The following IL6ST variants were observed in gnomAD, a reference collection of about 807,000 sequenced individuals.
IL6ST encodes interleukin 6 cytokine family signal transducer.
IL6ST carries 24 observed loss-of-function variants against 91.3 expected under a neutral mutation model. That is an observed-to-expected ratio of 0.26 (90% CI 0.19 to 0.37). The LOEUF (loss-of-function observed/expected upper bound fraction) is 0.37. IL6ST is among the 10% of genes least tolerant of loss of function. IL6ST has a pLI of 1.00. For synonymous variants in IL6ST, 351 were observed against 373.6 expected (o/e 0.94, Z 0.70); for missense variants, 914 against 1,078.5 (o/e 0.85, Z 2.14).
rs1434713054 is a variant in IL6ST at position 55,956,178 on chromosome 5, T to C, written c.1114A>G (p.Arg372Gly). The change falls in exon 10 of 17, where the codon AGA becomes GGA. Residue 372 changes from arginine to glycine, a missense_variant. Physicochemically the swap from Arg to Gly is moderately radical, Grantham distance 125. Coordinates refer to ENST00000381298, the MANE Select transcript of IL6ST (RefSeq NM_002184.4). The part of the protein sequence containing the change: ...KILDYEVTLT[R>G]WKSHLQNYTV... Reference sequence around the variant, plus strand: ...TAATTTTGTAAATGTGATTTCCATCTTGTGAGAGTCACTTCATAATCCAAG... The same window carrying C: ...TAATTTTGTAAATGTGATTTCCATCCTGTGAGAGTCACTTCATAATCCAAG... 3 of 1,612,866 alleles carry C rather than the reference T, an allele frequency of 1.9e-6. No homozygotes were observed. Among genetic ancestry groups the C allele is most frequent in the Admixed American group, 3.3e-5 (2 of 60,034 alleles).
Position 55,939,873 on chromosome 5 carries a change from T to C in IL6ST, c.*1209A>G, listed in dbSNP as rs1382072239. Reference sequence around the variant, plus strand: ...CAGACATTAAAATACCATCTCTTTATTAAGTGTCTCTACAATAATGATATT... The same window carrying C: ...CAGACATTAAAATACCATCTCTTTACTAAGTGTCTCTACAATAATGATATT... On this transcript the variant is annotated 3_prime_UTR_variant, in exon 17 of 17. Coordinates refer to ENST00000381298, the MANE Select transcript of IL6ST (RefSeq NM_002184.4). 2 of 203,678 alleles carry C rather than the reference T, an allele frequency of 9.8e-6. No individual in the cohort carries two copies. The highest frequency in any genetic ancestry group is 1.2e-4 in the Admixed American group (2 of 16,824). 12.6% of individuals were successfully genotyped at this position (203,678 alleles called of 1,614,324 possible).
intron 2 of IL6ST, among the ~76,000 whole-genome samples, chr5:55,981,808 A>G (rs1186920763): frequency 6.6e-6 from 1 of 152,230 alleles, no homozygotes; most frequent in African/African-American, 2.4e-5. Flanking sequence ...CATTGCATAC[A>G]CTAACCTTCC....
intron 10 of IL6ST, 145 bp downstream of exon 10, chr5:55,955,880 T>C: frequency 8.7e-6 from 4 of 459,684 alleles, no homozygotes; most frequent in South Asian, 6.0e-5. Flanking sequence ...ATTTATAAAA[T>C]TTAAAAAATT....
intron 2 of IL6ST, among the ~76,000 whole-genome samples, chr5:55,979,577 G>GA (rs1228911979): frequency 6.6e-6 from 1 of 152,156 alleles, no homozygotes; most frequent in African/African-American, 2.4e-5. Context: ...ACTAAGCAAC[G>GA]AAAGTATCGT....
In IL6ST at chr5:55,973,666, C is replaced by T. The variant is rs539207716; in HGVS notation, c.64+2549G>A. Among the ~76,000 whole-genome samples the T allele has an allele frequency of 4.6e-5, 7 of 152,284 alleles. No individual in the cohort carries two copies. The East Asian group carries it at 1.3e-3, about 29-fold the overall frequency. ...AGACATTGTACAGCAAAGATGAATACGTCTGATTGTGCCTGCCTATCTATA... is the reference window on the plus strand; with the variant it reads ...AGACATTGTACAGCAAAGATGAATATGTCTGATTGTGCCTGCCTATCTATA... On this transcript the variant is annotated intron_variant, in intron 3 of 16. Transcript: ENST00000381298.
intron 1 of IL6ST, among the ~76,000 whole-genome samples, chr5:55,991,520 C>T (rs895629528): frequency 1.3e-5 from 2 of 151,934 alleles, no homozygotes; most frequent in Non-Finnish European, 2.9e-5. Context: ...ATAATTTCAA[C>T]TGTGTTCCTG....
chr5:55,947,168 C>T (rs1426937534), intron 15 of IL6ST, among the ~76,000 whole-genome samples: 1 of 152,066 alleles, frequency 6.6e-6, no homozygotes, highest in East Asian at 1.9e-4. Context: ...CACTGCACTC[C>T]ATCCTGGGCA....
chr5:55,953,726 C>T (rs1339612734), intron 11 of IL6ST, among the ~76,000 whole-genome samples: 1 of 152,212 alleles, frequency 6.6e-6, no homozygotes, highest in Non-Finnish European at 1.5e-5. Context: ...CAGTGGTTCA[C>T]GCCTGTAATA....
intron 7 of IL6ST, among the ~76,000 whole-genome samples, chr5:55,961,182 T>C (rs1752292072): frequency 6.6e-6 from 1 of 152,226 alleles, no homozygotes; most frequent in Non-Finnish European, 1.5e-5. Flanking sequence ...TATGGAAACA[T>C]CTATTATCTT....
chr5:55,959,377 G>C (rs1361888572), intron 8 of IL6ST, among the ~76,000 whole-genome samples: 2 of 152,166 alleles, frequency 1.3e-5, no homozygotes, highest in Non-Finnish European at 2.9e-5. Context: ...AGAAGAGCTG[G>C]AAGTAAAGGG....
chr5:55,968,151 G>A, intron 5 of IL6ST, 125 bp downstream of exon 5: 1 of 933,090 alleles, frequency 1.1e-6, no homozygotes, highest in South Asian at 1.6e-5. Flanking sequence ...TATTTGAAAT[G>A]TTACAGAATA....
chr5:55,951,509 C>CA lies in IL6ST; in HGVS notation c.1794_1795insT (p.Gly599TrpfsTer21). 1 of 1,613,400 alleles carries CA rather than the reference C, an allele frequency of 6.2e-7. No individual in the cohort carries two copies. The highest frequency in any genetic ancestry group is 8.5e-7 in the Non-Finnish European group (1 of 1,179,406). Reference sequence around the variant, plus strand: ...GTGAATTCTGGACCATCCTTCCCACCTTCATCTGTGTATGCTGCCATTCGT... The same window carrying CA: ...GTGAATTCTGGACCATCCTTCCCACCATTCATCTGTGTATGCTGCCATTCGT... On this transcript the variant is annotated frameshift_variant, in exon 14 of 17. Coordinates refer to ENST00000381298, the MANE Select transcript of IL6ST (RefSeq NM_002184.4). LOFTEE classifies it high-confidence loss of function.
chr5:55,947,614 AAAAG>A, intron 14 of IL6ST, 25 bp from the exon 15 acceptor site: 3 of 1,321,500 alleles, frequency 2.3e-6, no homozygotes, highest in Non-Finnish European at 3.2e-6. Context: ...AAAAAAAAAA[AAAAG>A]AGGTGTGATG....
At chr5:55,965,645 T>C (rs1752586249) in intron 5 of IL6ST, among the ~76,000 whole-genome samples, 1 of 151,920 alleles carries the variant, frequency 6.6e-6, no homozygotes, top group Non-Finnish European at 1.5e-5. Flanking sequence ...ATGATGACCC[T>C]GTAAAAGCAT....
At chr5:55,990,879 TCCCTCCC>T (rs1754281700) in intron 1 of IL6ST, among the ~76,000 whole-genome samples, 1 of 137,742 alleles carries the variant, frequency 7.3e-6, no homozygotes, top group Non-Finnish European at 1.6e-5. Flanking sequence ...CCTAATGCTA[TCCCTCCC>T]CCCTCCCCCT....
chr5:55,938,977 C>T lies in IL6ST; in HGVS notation c.*2105G>A, dbSNP rs1750704311. Reference sequence around the variant, plus strand: ...ATGGCCTTCAATGATCCTCCATTCTCATTCCTGTAGATTAAGAGTTCATAT... The same window carrying T: ...ATGGCCTTCAATGATCCTCCATTCTTATTCCTGTAGATTAAGAGTTCATAT... On this transcript the variant is annotated 3_prime_UTR_variant, in exon 17 of 17. Transcript: ENST00000381298. 1 of 204,290 alleles carries T rather than the reference C, an allele frequency of 4.9e-6. No homozygotes were observed. Among genetic ancestry groups the T allele is most frequent in the Non-Finnish European group, 1.0e-5 (1 of 99,684 alleles). 12.7% of individuals were successfully genotyped at this position (204,290 alleles called of 1,614,324 possible).
At chr5:55,972,473 C>T (rs1384160213) in intron 3 of IL6ST, among the ~76,000 whole-genome samples, 1 of 152,060 alleles carries the variant, frequency 6.6e-6, no homozygotes, top group Non-Finnish European at 1.5e-5. Flanking sequence ...GATCACACCA[C>T]TGCACTCCAG....
In IL6ST at chr5:55,937,797, C is replaced by T. The variant is rs1422611191; in HGVS notation, c.*3285G>A. 5.2e-6 allele frequency: 1 copy of T among 192,820 alleles called. No homozygotes were observed. The highest frequency in any genetic ancestry group is 1.1e-5 in the Non-Finnish European group (1 of 92,386). 11.9% of individuals were successfully genotyped at this position (192,820 alleles called of 1,614,324 possible). A position where few individuals can be genotyped will look rare whatever the true frequency, so the allele number is the denominator to read the frequency against. ...TATAACTTTGTTATTTTATTCATCT[C>T]AACAAAATAAAACTTTATTGAAACA... On this transcript the variant is annotated 3_prime_UTR_variant, in exon 17 of 17. Transcript: ENST00000381298.
chr5:55,960,793 C>T (rs960335100), intron 7 of IL6ST, among the ~76,000 whole-genome samples: 9 of 151,900 alleles, frequency 5.9e-5, no homozygotes, highest in Admixed American at 2.6e-4. Context: ...CCACTCTCAG[C>T]TAATTTCTGT....
Sources: gnomAD v4.1 joint callset for allele counts (sites outside exome capture counted in the v4.1 genomes callset) on GRCh38, gnomAD v4.1.1 for gene constraint, MANE v1.5 for transcripts, NCBI Gene and HGNC (gene_info 2026-07-23, HGNC 2026-07-21) for gene names.